Variants in PEX1 observed in about 807,000 individuals in gnomAD.
PEX1 encodes the protein peroxisomal biogenesis factor 1.
In PEX1, 97 loss-of-function variants were observed where a neutral mutation model predicts 152.5. The observed-to-expected ratio is 0.64, with a 90% confidence interval of 0.54 to 0.75. The LOEUF (loss-of-function observed/expected upper bound fraction) is 0.75, where lower values mean the gene tolerates loss of function less well. PEX1 is among the 30% of genes least tolerant of loss of function. The pLI, the probability that PEX1 is intolerant of heterozygous loss-of-function variation, is 0.00. For missense variants in PEX1, 1,357 were observed against 1,516.3 expected, an observed-to-expected ratio of 0.89 and a Z score of 1.74; for synonymous variants, 485 against 531.6, an observed-to-expected ratio of 0.91 and a Z score of 1.21.
intron 1 of PEX1, among the ~76,000 whole-genome samples, chr7:92,523,303 AT>A (rs1220063520): frequency 1.3e-5 from 2 of 151,570 alleles, no homozygotes; most frequent in African/African-American, 4.8e-5. Flanking sequence ...CACTACTTAT[AT>A]TGCATCATAA....
At position 92,489,386 on chromosome 7, in the gene PEX1, G is replaced by A; in HGVS notation, c.3674C>T (p.Thr1225Ile). Residue 1225 changes from threonine to isoleucine, a missense_variant, in exon 23 of 24, where the codon ACC becomes ATC. Physicochemically the swap from Thr to Ile is moderately conservative, Grantham distance 89. Transcript: ENST00000248633. ...ATGTGACTGACTAATAGCCAGTCTG[G>A]TTTTGATTGGTCCTGGTTGGTTCAT... Reference protein sequence around the residue: ...ESMNQPGPIKTRLAISQSHLM... With the variant: ...ESMNQPGPIKIRLAISQSHLM... The A allele has an allele frequency of 6.2e-7, 1 of 1,612,164 alleles. No individual in the cohort carries two copies. The highest frequency in any genetic ancestry group is 8.5e-7 in the Non-Finnish European group (1 of 1,178,336).
intron 12 of PEX1, 77 bp downstream of exon 12, chr7:92,504,655 G>C: frequency 7.5e-7 from 1 of 1,341,140 alleles, no homozygotes; most frequent in African/African-American, 1.4e-5. Flanking sequence ...TCTCTGAAGA[G>C]AGTAGATTTA....
intron 15 of PEX1, among the ~76,000 whole-genome samples, chr7:92,500,043 C>T (rs1791852173): frequency 1.3e-5 from 2 of 152,040 alleles, no homozygotes; most frequent in South Asian, 2.1e-4. Flanking sequence ...AAATTTTTTC[C>T]AATTAAGAAC....
chr7:92,523,760 G>C (rs538411378), intron 1 of PEX1, among the ~76,000 whole-genome samples: 1 of 152,170 alleles, frequency 6.6e-6, no homozygotes, highest in Non-Finnish European at 1.5e-5. Context: ...GAGTCAGGGA[G>C]GTTGAGGCTA....
intron 2 of PEX1, among the ~76,000 whole-genome samples, chr7:92,519,526 T>C (rs1194649195): frequency 1.3e-5 from 2 of 152,186 alleles, no homozygotes; most frequent in African/African-American, 4.8e-5. Flanking sequence ...GACATGTTTT[T>C]CAAAAATGAA....
In PEX1 at chr7:92,489,701, G is replaced by GA; in HGVS notation, c.3636+12dup. ...AAGTTTTAACAATTATAATGAGGGGGAAAAAGCCATACTCCACTTTGGCTC... is the reference window on the plus strand; with the variant it reads ...AAGTTTTAACAATTATAATGAGGGGGAAAAAAGCCATACTCCACTTTGGCTC... On this transcript the variant is annotated intron_variant, in intron 22 of 23. Coordinates refer to ENST00000248633, the MANE Select transcript of PEX1 (RefSeq NM_000466.3). 1 of 1,607,474 alleles carries GA rather than the reference G, an allele frequency of 6.2e-7. No individual in the cohort carries two copies. Among genetic ancestry groups the GA allele is most frequent in the Non-Finnish European group, 8.5e-7 (1 of 1,174,042 alleles).
chr7:92,494,112 C>T (rs1186650275), intron 19 of PEX1, 181 bp downstream of exon 19: 1 of 598,600 alleles, frequency 1.7e-6, no homozygotes. Flanking sequence ...TTGCACTGGG[C>T]CAAAAAAAGG....
intron 1 of PEX1, 127 bp downstream of exon 1, chr7:92,528,180 G>T: frequency 1.6e-6 from 2 of 1,258,260 alleles, no homozygotes; most frequent in Non-Finnish European, 2.2e-6. Flanking sequence ...CTGCCGTCGA[G>T]GGACCCTGAT....
intron 23 of PEX1, among the ~76,000 whole-genome samples, chr7:92,488,491 C>T (rs912614275): frequency 2.0e-5 from 3 of 152,076 alleles, no homozygotes; most frequent in Non-Finnish European, 2.9e-5. Flanking sequence ...GTCCATGGGT[C>T]TCAGATGCAT....
At chr7:92,491,146 A>G (rs1791288002) in intron 21 of PEX1, 126 bp downstream of exon 21, 2 of 688,524 alleles carry the variant, frequency 2.9e-6, no homozygotes, top group Non-Finnish European at 5.2e-6. Context: ...AAACAAGACT[A>G]TTTTACTGAA....
In PEX1 at chr7:92,494,051, A is replaced by AT. The variant is rs1036488068; in HGVS notation, c.3030+241dup. On this transcript the variant is annotated intron_variant, in intron 19 of 23. Coordinates refer to ENST00000248633, the MANE Select transcript of PEX1 (RefSeq NM_000466.3). ...AAATATAATACATTAGGTTTCTTGC[A>AT]TTTTTTTTTCCCCAATCAGCCAACA... 1.5e-3 allele frequency: 676 copies of AT among 462,058 alleles called. 1 individual carries two copies. Among genetic ancestry groups the AT allele is most frequent in the Middle Eastern group, 5.1e-3 (8 of 1,578 alleles). 28.6% of individuals were successfully genotyped at this position (462,058 alleles called of 1,614,324 possible). A position where few individuals can be genotyped will look rare whatever the true frequency, so the allele number is the denominator to read the frequency against.
intron 23 of PEX1, 45 bp downstream of exon 23, chr7:92,489,248 A>G: frequency 6.4e-7 from 1 of 1,554,114 alleles, no homozygotes; most frequent in Non-Finnish European, 8.9e-7. Flanking sequence ...ATACTATGTC[A>G]CTTGTAATAG....
In PEX1 at chr7:92,506,333, T is replaced by C. The variant is rs112688556; in HGVS notation, c.1815A>G (p.Lys605=). The C allele has an allele frequency of 2.4e-5, 38 of 1,601,118 alleles. 1 individual carries two copies. The African/African-American group carries it at 3.9e-4, about 16-fold the overall frequency. ...TACAGATTGCTTTGGCTAAAGTTGA[T>C]TTTCCACTTCCCTAGAAAATAATTG... ...LLLTGGKGSG[K]STLAKAICKE... Residue 605 remains lysine (K), a synonymous_variant, in exon 11 of 24, where the codon AAA becomes AAG. Coordinates refer to ENST00000248633, the MANE Select transcript of PEX1 (RefSeq NM_000466.3).
intron 16 of PEX1, among the ~76,000 whole-genome samples, chr7:92,497,183 G>A (rs958347526): frequency 1.1e-4 from 17 of 151,994 alleles, no homozygotes; most frequent in Non-Finnish European, 2.9e-5. Context: ...GCTTGTTGTC[G>A]CTTTCCACTA....
In PEX1 at chr7:92,513,864, T is replaced by A. The variant is rs774317392; in HGVS notation, c.1343A>T (p.Gln448Leu). 1.8e-5 allele frequency: 29 copies of A among 1,599,892 alleles called. No individual in the cohort carries two copies. The South Asian group carries it at 3.1e-4, about 17-fold the overall frequency. ...TGAACTCACTAAATTCTCTCTAGGT[T>A]GTAACTTTAGAGATCTTGGAATTTT... ...TPKIPRSLKL[Q>L]PRENLPKDIS... Residue 448 changes from glutamine (Q) to leucine (L), a missense_variant, in exon 6 of 24, where the codon CAA becomes CTA. Gln to Leu is a moderately radical substitution (Grantham distance 113). Coordinates refer to ENST00000248633, the MANE Select transcript of PEX1 (RefSeq NM_000466.3).
At chr7:92,508,647 A>G (rs917728862) in intron 9 of PEX1, among the ~76,000 whole-genome samples, 6 of 152,210 alleles carry the variant, frequency 3.9e-5, no homozygotes, top group Non-Finnish European at 5.9e-5. Flanking sequence ...TACCATTCTA[A>G]GAAATCAAAT....
At chr7:92,489,449 A>G in intron 22 of PEX1, 26 bp from the exon 23 acceptor site, 1 of 1,605,710 alleles carries the variant, frequency 6.2e-7, no homozygotes, top group East Asian at 2.2e-5. Context: ...AAATTGACGA[A>G]GAGTTAAATT....
At position 92,499,712 on chromosome 7, in the gene PEX1, T is replaced by G. The variant is rs1791830464; in HGVS notation, c.2710A>C (p.Ser904Arg). ...IARESRMNFISVKGPELLSKY... is the reference protein window; with the variant it reads ...IARESRMNFIRVKGPELLSKY... ...ATAAGTAGACAACATACCTTGACAC[T>G]TATAAAATTCATTCTACTCTCTCGT... is the stretch of plus-strand genomic sequence containing the variant. Residue 904 changes from serine to arginine, a missense_variant, in exon 16 of 24, where the codon AGT becomes CGT. By Grantham distance (110) the Ser-to-Arg change is moderately radical. Coordinates refer to ENST00000248633, the MANE Select transcript of PEX1 (RefSeq NM_000466.3). 6.2e-7 allele frequency: 1 copy of G among 1,612,558 alleles called. No homozygotes were observed. Among genetic ancestry groups the G allele is most frequent in the Non-Finnish European group, 8.5e-7 (1 of 1,178,662 alleles).
At chr7:92,522,995 T>A (rs967466165) in intron 1 of PEX1, among the ~76,000 whole-genome samples, 1 of 152,194 alleles carries the variant, frequency 6.6e-6, no homozygotes, top group Non-Finnish European at 1.5e-5. Context: ...TATGGGAATA[T>A]AGGTTTTAAA....
Sources: gnomAD v4.1 joint callset for allele counts (sites outside exome capture counted in the v4.1 genomes callset) on GRCh38, gnomAD v4.1.1 for gene constraint, MANE v1.5 for transcripts, NCBI Gene and HGNC (gene_info 2026-07-23, HGNC 2026-07-21) for gene names.